The following IPCEF1 variants were observed in gnomAD, a reference collection of about 807,000 sequenced individuals.
The protein encoded by IPCEF1 is interactor protein for cytohesin exchange factors 1.
In IPCEF1, 31 loss-of-function variants were observed where a neutral mutation model predicts 50.9. That is an observed-to-expected ratio of 0.61 (90% CI 0.46 to 0.82). The LOEUF (loss-of-function observed/expected upper bound fraction) is 0.82. IPCEF1 is among the 40% of genes least tolerant of loss of function. IPCEF1 has a pLI of 0.00. For synonymous variants in IPCEF1, 181 were observed against 192.0 expected, an observed-to-expected ratio of 0.94 and a Z score of 0.47; for missense variants, 458 against 514.0, an observed-to-expected ratio of 0.89 and a Z score of 1.05.
At chr6:154,187,202 A>C (rs1199617466) in intron 10 of IPCEF1, among the ~76,000 whole-genome samples, 1 of 151,764 alleles carries the variant, frequency 6.6e-6, no homozygotes, top group Non-Finnish European at 1.5e-5. Context: ...TATCAGAGAG[A>C]TTTTCCAGGA....
At chr6:154,320,722 C>T (rs1163197588) in intron 1 of IPCEF1, among the ~76,000 whole-genome samples, 3 of 152,124 alleles carry the variant, frequency 2.0e-5, no homozygotes, top group African/African-American at 7.2e-5. Flanking sequence ...ACTGTATATA[C>T]ATGGCCGGGC....
At chr6:154,192,660 A>G (rs1309582617) in intron 10 of IPCEF1, among the ~76,000 whole-genome samples, 1 of 28,366 alleles carries the variant, frequency 3.5e-5, no homozygotes, top group Non-Finnish European at 8.1e-5. Flanking sequence ...CAAACAAATT[A>G]GGAAGAAAAA....
At chr6:154,219,618 G>A (rs897296885) in intron 7 of IPCEF1, among the ~76,000 whole-genome samples, 1 of 151,824 alleles carries the variant, frequency 6.6e-6, no homozygotes, top group African/African-American at 2.4e-5. Flanking sequence ...TAACCAACAG[G>A]ATTTAGCAAC....
chr6:154,195,653 A>G (rs1181263831), intron 10 of IPCEF1, among the ~76,000 whole-genome samples: 3 of 151,796 alleles, frequency 2.0e-5, no homozygotes, highest in Non-Finnish European at 4.4e-5. Flanking sequence ...CTCTCTTTTA[A>G]ACCTCTCTCT....
chr6:154,273,699 T>TCTTTTTTCTTTTTTTCTTTC (rs1781956788), intron 2 of IPCEF1, among the ~76,000 whole-genome samples: 1 of 97,800 alleles, frequency 1.0e-5, no homozygotes, highest in Non-Finnish European at 2.1e-5. Context: ...TAAGCTTTTT[T>TCTTTTTTCTTTTTTTCTTTC]CTTTTTTTCT....
intron 10 of IPCEF1, among the ~76,000 whole-genome samples, chr6:154,189,685 C>T (rs550509513): frequency 2.0e-5 from 3 of 152,184 alleles, no homozygotes; most frequent in East Asian, 3.9e-4. Context: ...AACATCACAC[C>T]GGGCCAGGCG....
intron 1 of IPCEF1, among the ~76,000 whole-genome samples, chr6:154,299,722 T>A (rs969738586): frequency 7.1e-6 from 1 of 140,384 alleles, no homozygotes; most frequent in African/African-American, 2.6e-5. Context: ...GTAACCAACC[T>A]GCACATCCTG....
At chr6:154,350,936 T>A (rs1784109350) in intron 1 of IPCEF1, among the ~76,000 whole-genome samples, 1 of 152,020 alleles carries the variant, frequency 6.6e-6, no homozygotes, top group Admixed American at 6.6e-5. Context: ...GCCCAGTGGG[T>A]CTTCAACTCC....
At chr6:154,320,404 G>C (rs1003896797) in intron 1 of IPCEF1, among the ~76,000 whole-genome samples, 2 of 152,172 alleles carry the variant, frequency 1.3e-5, no homozygotes, top group Non-Finnish European at 2.9e-5. Context: ...AAAGAGATGA[G>C]ACTCAATGAG....
chr6:154,252,795 A>C (rs1221663501), intron 3 of IPCEF1, among the ~76,000 whole-genome samples: 1 of 152,200 alleles, frequency 6.6e-6, no homozygotes, highest in Non-Finnish European at 1.5e-5. Context: ...GATGAGTGGG[A>C]ATTGAAGAAA....
intron 9 of IPCEF1, among the ~76,000 whole-genome samples, chr6:154,209,542 G>A (rs1198365122): frequency 1.3e-5 from 2 of 151,908 alleles, no homozygotes; most frequent in South Asian, 2.1e-4. Flanking sequence ...AGCTACTCGG[G>A]GGGCCGAGGT....
intron 7 of IPCEF1, among the ~76,000 whole-genome samples, chr6:154,214,543 T>C (rs116009565): frequency 9.1e-4 from 139 of 152,336 alleles, no homozygotes; most frequent in African/African-American, 3.0e-3. Flanking sequence ...ATTCCAAATA[T>C]ATGAACAAAC....
chr6:154,302,879 G>A (rs1782833206), intron 1 of IPCEF1, among the ~76,000 whole-genome samples: 1 of 152,006 alleles, frequency 6.6e-6, no homozygotes, highest in South Asian at 2.1e-4. Context: ...TTGTCATCAG[G>A]CACTTAGTAG....
intron 1 of IPCEF1, among the ~76,000 whole-genome samples, chr6:154,301,422 T>C (rs1782792334): frequency 6.6e-6 from 1 of 152,162 alleles, no homozygotes; most frequent in Non-Finnish European, 1.5e-5. Flanking sequence ...CCTTGAAATA[T>C]TAGCATGGTG....
chr6:154,271,111 C>A (rs879913155), intron 2 of IPCEF1, among the ~76,000 whole-genome samples: 2 of 152,006 alleles, frequency 1.3e-5, no homozygotes, highest in Non-Finnish European at 2.9e-5. Context: ...GTAATCCCAG[C>A]ACTTTGGGAT....
chr6:154,302,632 G>C (rs938432876), intron 1 of IPCEF1, among the ~76,000 whole-genome samples: 13 of 152,002 alleles, frequency 8.6e-5, no homozygotes, highest in African/African-American at 2.9e-4. Context: ...GTGCCACCAC[G>C]CCTGGCTAAT....
chr6:154,231,242 T>C (rs1328238936), intron 5 of IPCEF1, among the ~76,000 whole-genome samples: 3 of 152,196 alleles, frequency 2.0e-5, no homozygotes, highest in Non-Finnish European at 4.4e-5. Context: ...GAAGAAAAGT[T>C]AGGATAAAAT....
chr6:154,349,304 G>A (rs1001660475), intron 1 of IPCEF1, among the ~76,000 whole-genome samples: 2 of 151,644 alleles, frequency 1.3e-5, no homozygotes, highest in Non-Finnish European at 2.9e-5. Flanking sequence ...TGATCCTCCT[G>A]CCTCCATCTC....
chr6:154,338,339 A>G (rs773909073), intron 1 of IPCEF1, among the ~76,000 whole-genome samples: 1 of 152,178 alleles, frequency 6.6e-6, no homozygotes, highest in Non-Finnish European at 1.5e-5. Flanking sequence ...TAACCCTGCC[A>G]CTTTATGGAT....
Sources: gnomAD v4.1 joint callset for allele counts (sites outside exome capture counted in the v4.1 genomes callset) on GRCh38, gnomAD v4.1.1 for gene constraint, MANE v1.5 for transcripts, NCBI Gene and HGNC (gene_info 2026-07-23, HGNC 2026-07-21) for gene names.